Variants in CDH5 observed in about 807,000 individuals in gnomAD.
CDH5 encodes cadherin 5.
A neutral mutation model predicts 62.0 loss-of-function variants in CDH5; 28 were observed. The observed-to-expected ratio is 0.45, with a 90% confidence interval of 0.33 to 0.62. CDH5 has a LOEUF of 0.62. CDH5 is among the 20% of genes least tolerant of loss of function. CDH5 has a pLI of 0.02. For synonymous variants in CDH5, 464 were observed against 445.8 expected (o/e 1.04, Z -0.52); for missense variants, 940 against 1,065.1 (o/e 0.88, Z 1.63).
rs922206260 is a variant in CDH5, at chr16:66,390,669, C to T, written c.969+79C>T. On this transcript the variant is annotated intron_variant, in intron 6 of 11. Transcript: ENST00000341529. ...CCACAGGTCCTGCTTGGGGATTGCTCCTGGGCCAGAGACCATCAAAGGACC... is the reference window on the plus strand; with the variant it reads ...CCACAGGTCCTGCTTGGGGATTGCTTCTGGGCCAGAGACCATCAAAGGACC... 2.9e-6 allele frequency: 4 copies of T among 1,362,460 alleles called. No individual in the cohort carries two copies. The South Asian group carries it at 3.9e-5, about 13-fold the overall frequency. The allele number at this position is 1,362,460 out of a possible 1,614,324, so 84.4% of individuals were successfully genotyped here. A position where few individuals can be genotyped will look rare whatever the true frequency, so the allele number is the denominator to read the frequency against.
intron 1 of CDH5, among the ~76,000 whole-genome samples, chr16:66,370,688 A>T (rs1041424343): frequency 1.3e-5 from 2 of 152,178 alleles, no homozygotes; most frequent in Admixed American, 6.5e-5. Context: ...TGCTGGTGGC[A>T]GGTGGCAATC....
intron 2 of CDH5, among the ~76,000 whole-genome samples, chr16:66,382,515 T>C (rs561119737): frequency 9.3e-4 from 141 of 152,250 alleles, no homozygotes; most frequent in Middle Eastern, 3.4e-3. Flanking sequence ...GGTGGGATAA[T>C]TGTGCCTTGA....
intron 11 of CDH5, among the ~76,000 whole-genome samples, chr16:66,401,500 ATT>A (rs1236954329): frequency 6.6e-6 from 1 of 151,776 alleles, no homozygotes; most frequent in Admixed American, 6.6e-5. Context: ...CTTGATACAT[ATT>A]TTTTTTCTTG....
intron 6 of CDH5, 128 bp from the exon 7 acceptor site, chr16:66,392,001 TTGTCGAG>T: frequency 9.7e-7 from 1 of 1,034,360 alleles, no homozygotes. Flanking sequence ...GAAATATCAC[TTGTCGAG>T]GCCATGGGCC....
chr16:66,390,304 C>A, intron 5 of CDH5, 99 bp from the exon 6 acceptor site: 1 of 863,256 alleles, frequency 1.2e-6, no homozygotes, highest in Non-Finnish European at 1.7e-6. Context: ...TTTATTATGC[C>A]CATTTCTTTT....
At chr16:66,382,563 T>G (rs950341770) in intron 2 of CDH5, among the ~76,000 whole-genome samples, 1 of 152,074 alleles carries the variant, frequency 6.6e-6, no homozygotes, top group African/African-American at 2.4e-5. Flanking sequence ...TCAAGGAAAA[T>G]CTATGGAGTG....
chr16:66,400,885 G>C lies in CDH5; in HGVS notation c.1706G>C (p.Ser569Thr). 1.2e-6 allele frequency: 2 copies of C among 1,614,216 alleles called. No homozygotes were observed. Among genetic ancestry groups the C allele is most frequent in the Non-Finnish European group, 1.7e-6 (2 of 1,180,048 alleles). ...DNGMPSRTGTSTLTVAVCKCN... is the reference protein window; with the variant it reads ...DNGMPSRTGTTTLTVAVCKCN... ...GGGATGCCAAGTCGCACGGGCACCAGCACGCTGACCGTGGCCGTGTGCAAG... is the reference window on the plus strand; with the variant it reads ...GGGATGCCAAGTCGCACGGGCACCACCACGCTGACCGTGGCCGTGTGCAAG... The change falls in exon 11 of 12, where the codon AGC becomes ACC. Residue 569 changes from serine to threonine, a missense_variant. Coordinates refer to ENST00000341529, the MANE Select transcript of CDH5 (RefSeq NM_001795.5).
intron 11 of CDH5, among the ~76,000 whole-genome samples, chr16:66,401,744 C>A (rs142488145): frequency 5.5e-4 from 84 of 152,298 alleles, no homozygotes; most frequent in African/African-American, 1.9e-3. Flanking sequence ...CGGGAGGCAG[C>A]GTGGGGCCAC....
At position 66,402,755 on chromosome 16, in the gene CDH5, G is replaced by A; in HGVS notation, c.1941G>A (p.Glu647=). 6.2e-7 allele frequency: 1 copy of A among 1,608,896 alleles called. No homozygotes were observed. Among genetic ancestry groups the A allele is most frequent in the Admixed American group, 1.7e-5 (1 of 59,582 alleles). Residue 647 remains glutamate (E), a synonymous_variant, in exon 12 of 12, where the codon GAG becomes GAA. Coordinates refer to ENST00000341529, the MANE Select transcript of CDH5 (RefSeq NM_001795.5). ...EIHEQLVTYD[E]EGGGEMDTTS... is the part of the protein sequence containing the mutation. ...ACGAGCAGCTGGTCACCTACGACGA[G>A]GAGGGCGGCGGCGAGATGGACACCA... is the stretch of plus-strand genomic sequence containing the variant.
intron 1 of CDH5, 174 bp from the exon 2 acceptor site, chr16:66,379,145 T>G (rs1567461461): frequency 1.3e-5 from 7 of 556,736 alleles, no homozygotes; most frequent in Middle Eastern, 4.6e-4. Context: ...CGACCTTTCA[T>G]CCGAGTGCAT....
intron 1 of CDH5, among the ~76,000 whole-genome samples, chr16:66,373,211 C>T (rs907949276): frequency 3.9e-5 from 6 of 152,148 alleles, no homozygotes; most frequent in African/African-American, 1.4e-4. Flanking sequence ...AGAGATGTGA[C>T]TCTTACCTGC....
intron 11 of CDH5, 135 bp downstream of exon 11, chr16:66,401,151 C>A: frequency 8.6e-7 from 1 of 1,158,126 alleles, no homozygotes; most frequent in Non-Finnish European, 1.2e-6. Context: ...TGCAATGCAG[C>A]CCTTAGCCAG....
intron 11 of CDH5, among the ~76,000 whole-genome samples, chr16:66,401,823 G>A (rs531526541): frequency 2.6e-5 from 4 of 152,186 alleles, no homozygotes; most frequent in Non-Finnish European, 2.9e-5. Flanking sequence ...GCCATGAGAC[G>A]CAGCAGGGGC....
At chr16:66,369,821 A>G (rs940466877) in intron 1 of CDH5, among the ~76,000 whole-genome samples, 10 of 152,198 alleles carry the variant, frequency 6.6e-5, no homozygotes, top group African/African-American at 1.4e-4. Flanking sequence ...TGAATCCTCA[A>G]TACAGTCTAT....
intron 2 of CDH5, among the ~76,000 whole-genome samples, chr16:66,379,919 G>GT (rs1960861126): frequency 7.0e-6 from 1 of 143,234 alleles, no homozygotes; most frequent in Admixed American, 7.0e-5. Context: ...GATGATAAAG[G>GT]GGTAGGTGTT....
At position 66,402,655 on chromosome 16, in the gene CDH5, T is replaced by A; in HGVS notation, c.1841T>A (p.Ile614Asn). ...CTGCTCGGCTCCCTGGCTGCAGTGA[T>A]CACCCTGCTCATCTTCCTGCGGCGG... is the stretch of plus-strand genomic sequence containing the variant. ...ILLCILTITV[I>N]TLLIFLRRRL... The change falls in exon 12 of 12, where the codon ATC (isoleucine) becomes AAC (asparagine). Residue 614 changes from isoleucine to asparagine, a missense_variant. By Grantham distance (149) the Ile-to-Asn change is moderately radical. Coordinates refer to ENST00000341529, the MANE Select transcript of CDH5 (RefSeq NM_001795.5). The A allele has an allele frequency of 1.3e-6, 2 of 1,586,286 alleles. No individual in the cohort carries two copies. The highest frequency in any genetic ancestry group is 2.7e-5 in the African/African-American group (2 of 74,550).
rs188710200 is a variant in CDH5 at position 66,397,928 on chromosome 16, G to A, written c.1361-54G>A. 7.4e-4 allele frequency: 1,191 copies of A among 1,610,946 alleles called. 12 individuals carry two copies. The African/African-American group carries it at 0.013, about 17-fold the overall frequency. On this transcript the variant is annotated intron_variant, in intron 8 of 11. Transcript: ENST00000341529. ...GCCCTCCTTCCACACATCTTCCACC[G>A]CCCAAGGCCAGCATCAGCTGAGCCC...
chr16:66,389,907 C>G (rs1046213088), intron 5 of CDH5, among the ~76,000 whole-genome samples: 2 of 152,234 alleles, frequency 1.3e-5, no homozygotes, highest in Non-Finnish European at 2.9e-5. Context: ...ATGGGGACAG[C>G]AAAGTTCTAT....
intron 1 of CDH5, among the ~76,000 whole-genome samples, chr16:66,373,978 C>T (rs78862339): frequency 0.017 from 2,564 of 152,174 alleles, 73 homozygotes; most frequent in African/African-American, 0.058. Context: ...AATGTCACCA[C>T]AGAGATAGAG....
Sources: gnomAD v4.1 joint callset for allele counts (sites outside exome capture counted in the v4.1 genomes callset) on GRCh38, gnomAD v4.1.1 for gene constraint, MANE v1.5 for transcripts, NCBI Gene and HGNC (gene_info 2026-07-23, HGNC 2026-07-21) for gene names.